Variants in SYN3 observed in about 807,000 individuals in gnomAD.
The protein encoded by SYN3 is synapsin-3.
Under a neutral mutation model 65.8 loss-of-function variants are expected in SYN3, and 35 were observed. The ratio of observed to expected loss-of-function variants is 0.53; its 90% CI spans 0.41 to 0.70. The LOEUF is 0.70. Ranked by LOEUF, SYN3 falls within the 30% of genes least tolerant of loss-of-function variation. The pLI, the probability that SYN3 is intolerant of heterozygous loss-of-function variation, is 0.00. For synonymous variants in SYN3, 270 were observed against 292.9 expected (o/e 0.92, Z 0.80); for missense variants, 680 against 749.0 (o/e 0.91, Z 1.08).
At chr22:32,902,402 TG>T (rs1293129489) in intron 4 of SYN3, among the ~76,000 whole-genome samples, 2 of 152,178 alleles carry the variant, frequency 1.3e-5, no homozygotes, top group African/African-American at 4.8e-5. Context: ...TTTCTGGAGC[TG>T]GGATGGCAAC....
In SYN3 at chr22:32,898,899, G is replaced by A. The variant is rs560054850; in HGVS notation, c.462-29774C>T. On this transcript the variant is annotated intron_variant, in intron 4 of 13. Transcript: ENST00000358763. Reference sequence around the variant, plus strand: ...GGGTGGATCACGAGGTCAGGAGACCGAGACCATCCTAGCCAACATGGTGAA... The same window carrying A: ...GGGTGGATCACGAGGTCAGGAGACCAAGACCATCCTAGCCAACATGGTGAA... 8.5e-5 allele frequency among the ~76,000 whole-genome samples: 13 copies of A among 152,264 alleles called. No homozygotes were observed. In the South Asian group the frequency reaches 2.1e-3, roughly 24 times the overall value.
At chr22:33,014,085 AAAAAAAAAATTAGGGGGC>A (rs1569405543) in intron 1 of SYN3, among the ~76,000 whole-genome samples, 1 of 151,834 alleles carries the variant, frequency 6.6e-6, no homozygotes, top group Non-Finnish European at 1.5e-5. Flanking sequence ...AAAAAAAAAA[AAAAAAAAAATTAGGGGGC>A]GGGGCTCTCA....
intron 6 of SYN3, among the ~76,000 whole-genome samples, chr22:32,842,688 TG>T (rs1383630147): frequency 1.3e-5 from 2 of 152,220 alleles, no homozygotes; most frequent in Admixed American, 1.3e-4. Context: ...CTTCCTGTGT[TG>T]GGAGAACCCT....
At chr22:32,820,290 T>G (rs533385971) in intron 6 of SYN3, among the ~76,000 whole-genome samples, 9 of 144,656 alleles carry the variant, frequency 6.2e-5, no homozygotes, top group East Asian at 2.2e-4. Flanking sequence ...GTGTGTGTGG[T>G]GTGTGTGGTG....
chr22:32,709,431 T>G (rs560897966), intron 6 of SYN3, among the ~76,000 whole-genome samples: 1 of 152,226 alleles, frequency 6.6e-6, no homozygotes, highest in Non-Finnish European at 1.5e-5. Flanking sequence ...AGTGGATCAG[T>G]TGGAACTTGC....
At chr22:32,546,310 AAGACCTGCTT>A (rs1369727964) in intron 7 of SYN3, among the ~76,000 whole-genome samples, 2 of 152,246 alleles carry the variant, frequency 1.3e-5, no homozygotes, top group Non-Finnish European at 1.5e-5. Context: ...AGGTTGGATC[AAGACCTGCTT>A]ATAATTTGGG....
intron 4 of SYN3, among the ~76,000 whole-genome samples, chr22:32,903,259 T>G (rs927400739): frequency 1.3e-5 from 2 of 152,214 alleles, no homozygotes; most frequent in African/African-American, 2.4e-5. Context: ...AGGGTTGTTT[T>G]GAAGACTAAA....
rs133971 is a variant in SYN3, at chr22:33,028,643, A to ATGGTGGTGGTGGTGGTGG, written c.-162-21837_-162-21820dup. Reference sequence around the variant, plus strand: ...ACTAGGAAGTATAATAAGAACCATGATGGTGGTGGTGGTGGTGGTGGTGGT... The same window carrying ATGGTGGTGGTGGTGGTGG: ...ACTAGGAAGTATAATAAGAACCATGATGGTGGTGGTGGTGGTGGTGGTGGTGGTGGTGGTGGTGGTGGT... On this transcript the variant is annotated intron_variant, in intron 1 of 13. Transcript: ENST00000358763. Among the ~76,000 whole-genome samples, 64 of 93,132 alleles carry ATGGTGGTGGTGGTGGTGG rather than the reference A, an allele frequency of 6.9e-4. 1 individual carries two copies. Among genetic ancestry groups the ATGGTGGTGGTGGTGGTGG allele is most frequent in the East Asian group, 1.2e-3 (3 of 2,526 alleles). The allele number at this position is 93,132 out of a possible 152,430, so 61.1% of individuals were successfully genotyped here.
chr22:32,520,677 G>C (rs752411921), intron 12 of SYN3, among the ~76,000 whole-genome samples: 5 of 152,164 alleles, frequency 3.3e-5, no homozygotes, highest in Non-Finnish European at 7.4e-5. Context: ...AGATGCCAAA[G>C]GGGCAAGGAC....
At chr22:32,741,362 T>A (rs892352750) in intron 6 of SYN3, among the ~76,000 whole-genome samples, 9 of 143,246 alleles carry the variant, frequency 6.3e-5, no homozygotes, top group African/African-American at 2.1e-4. Context: ...TTTTTTTTTT[T>A]TTTTTTTTTT....
chr22:32,557,719 C>G (rs1015405077), intron 7 of SYN3, among the ~76,000 whole-genome samples: 1 of 152,196 alleles, frequency 6.6e-6, no homozygotes. Flanking sequence ...CGTGTTCACC[C>G]GGTGCCTTTC....
chr22:32,926,112 A>G (rs576523673), intron 4 of SYN3, among the ~76,000 whole-genome samples: 2 of 152,314 alleles, frequency 1.3e-5, no homozygotes, highest in South Asian at 4.1e-4. Flanking sequence ...TTGGCCTCCC[A>G]AAGTGCTGGG....
chr22:32,632,133 A>G (rs16985304), intron 6 of SYN3, among the ~76,000 whole-genome samples: 14,543 of 152,314 alleles, frequency 0.095, 1,548 homozygotes, highest in African/African-American at 0.26. Flanking sequence ...GGGTATTGGC[A>G]GTATGTGAGT....
At chr22:32,557,307 G>A (rs1725957718) in intron 7 of SYN3, among the ~76,000 whole-genome samples, 1 of 152,168 alleles carries the variant, frequency 6.6e-6, no homozygotes, top group African/African-American at 2.4e-5. Flanking sequence ...ATTCACAAGG[G>A]GAGGGGGGAT....
At chr22:32,769,675 G>A (rs1284307957) in intron 6 of SYN3, among the ~76,000 whole-genome samples, 1 of 152,084 alleles carries the variant, frequency 6.6e-6, no homozygotes, top group Non-Finnish European at 1.5e-5. Context: ...GCGCCACCAT[G>A]TCCAGATAAA....
intron 6 of SYN3, among the ~76,000 whole-genome samples, chr22:32,830,135 AG>A (rs1432291875): frequency 6.6e-6 from 1 of 152,190 alleles, no homozygotes; most frequent in African/African-American, 2.4e-5. Flanking sequence ...TATGGGTCCC[AG>A]CTAGTACTTT....
At chr22:32,907,814 A>C (rs184402293) in intron 4 of SYN3, among the ~76,000 whole-genome samples, 229 of 152,296 alleles carry the variant, frequency 1.5e-3, no homozygotes, top group Non-Finnish European at 2.6e-3. Flanking sequence ...TATTGATATC[A>C]TTACAGGGTA....
chr22:33,008,939 A>G (rs1170644505), intron 1 of SYN3, among the ~76,000 whole-genome samples: 1 of 77,384 alleles, frequency 1.3e-5, no homozygotes, highest in African/African-American at 6.6e-5. Context: ...AAAAAAAAAA[A>G]AAAAAAAAAA....
chr22:32,786,550 G>A (rs1217032345), intron 6 of SYN3, among the ~76,000 whole-genome samples: 3 of 151,744 alleles, frequency 2.0e-5, no homozygotes, highest in Non-Finnish European at 2.9e-5. Context: ...TTTTCATAGA[G>A]ATGGGGTTTC....
Sources: allele counts gnomAD v4.1 joint callset (sites outside exome capture counted in the v4.1 genomes callset), GRCh38; gene constraint gnomAD v4.1.1; transcripts MANE v1.5; gene names NCBI Gene and HGNC (gene_info 2026-07-23, HGNC 2026-07-21).